The following PPP1R42 variants were observed in gnomAD, a reference collection of about 807,000 sequenced individuals.
The protein encoded by PPP1R42 is leucine rich repeat containing 67.
A neutral mutation model predicts 31.0 loss-of-function variants in PPP1R42; 34 were observed. The observed-to-expected ratio is 1.10, with a 90% confidence interval of 0.83 to 1.46. The LOEUF (loss-of-function observed/expected upper bound fraction) is 1.46, where lower values mean the gene tolerates loss of function less well. Ranked by LOEUF, PPP1R42 falls within the 40% of genes most tolerant of loss-of-function variation. The probability of loss-of-function intolerance (pLI) is 0.00; values close to 1 mark genes in which losing one functional copy is unlikely to be tolerated. For missense variants in PPP1R42, 268 were observed against 303.0 expected (o/e 0.88, Z 0.86); for synonymous variants, 103 against 109.8 (o/e 0.94, Z 0.39).
chr8:66,976,776 T>A (rs868089171), intron 7 of PPP1R42, among the ~76,000 whole-genome samples: 1 of 152,182 alleles, frequency 6.6e-6, no homozygotes, highest in Non-Finnish European at 1.5e-5. Context: ...CCATTGTGTA[T>A]ATATACCACA....
At chr8:67,015,207 C>T (rs190609905) in intron 2 of PPP1R42, among the ~76,000 whole-genome samples, 111 of 151,738 alleles carry the variant, frequency 7.3e-4, no homozygotes, top group Non-Finnish European at 1.2e-3. Flanking sequence ...TTAGTAGAGA[C>T]GGGGTTTCAC....
In PPP1R42 at chr8:66,977,322, C is replaced by T. The variant is rs1312550416; in HGVS notation, c.802+4727G>A. On this transcript the variant is annotated intron_variant, in intron 7 of 7. Coordinates refer to ENST00000685739, the MANE Select transcript of PPP1R42 (RefSeq NM_001364910.1). Reference sequence around the variant, plus strand: ...TGCTGGGATTACAGGCGTGAGCCATCGCGCCCACCCTTGCTTTTTTTTTTT... The same window carrying T: ...TGCTGGGATTACAGGCGTGAGCCATTGCGCCCACCCTTGCTTTTTTTTTTT... Among the ~76,000 whole-genome samples, 4 of 148,998 alleles carry T rather than the reference C, an allele frequency of 2.7e-5. No individual in the cohort carries two copies. In the East Asian group the frequency reaches 5.9e-4, roughly 22 times the overall value.
intron 7 of PPP1R42, among the ~76,000 whole-genome samples, chr8:66,977,698 G>A (rs1384638783): frequency 1.3e-5 from 2 of 151,852 alleles, no homozygotes; most frequent in African/African-American, 4.8e-5. Flanking sequence ...TAGAGAAGGG[G>A]TTTCACCATA....
chr8:66,996,768 T>G (rs978132259), intron 5 of PPP1R42, among the ~76,000 whole-genome samples: 5 of 152,222 alleles, frequency 3.3e-5, no homozygotes, highest in African/African-American at 1.2e-4. Flanking sequence ...TTTTTGTGCA[T>G]GGGGTAAAGG....
intron 5 of PPP1R42, among the ~76,000 whole-genome samples, chr8:66,991,948 C>G (rs1372649484): frequency 3.3e-5 from 5 of 152,174 alleles, no homozygotes; most frequent in African/African-American, 4.8e-5. Flanking sequence ...TAGGTCCCCA[C>G]TTGGAGTTGG....
intron 1 of PPP1R42, among the ~76,000 whole-genome samples, chr8:67,019,703 T>A (rs1816150331): frequency 6.6e-6 from 1 of 151,314 alleles, no homozygotes; most frequent in African/African-American, 2.4e-5. Flanking sequence ...CCATCCTGGC[T>A]AACACGGTGA....
chr8:66,965,936 A>G (rs1311180353), intron 7 of PPP1R42, among the ~76,000 whole-genome samples: 1 of 152,020 alleles, frequency 6.6e-6, no homozygotes, highest in East Asian at 1.9e-4. Context: ...AAAGATAAAT[A>G]CATAATAAAA....
chr8:67,006,739 CTTTT>C (rs1183630078), intron 5 of PPP1R42, among the ~76,000 whole-genome samples: 2 of 70,548 alleles, frequency 2.8e-5, no homozygotes, highest in African/African-American at 6.2e-5. Flanking sequence ...AGGGTAGAGG[CTTTT>C]TTTTTTTTTT....
chr8:66,970,878 A>T, intron 7 of PPP1R42: 1 of 880,038 alleles, frequency 1.1e-6, no homozygotes, highest in Non-Finnish European at 1.8e-6. Context: ...AGAACAAAGA[A>T]CTAGGAGACA....
intron 5 of PPP1R42, among the ~76,000 whole-genome samples, chr8:67,007,872 T>C (rs1201767078): frequency 1.3e-5 from 2 of 151,436 alleles, no homozygotes; most frequent in Non-Finnish European, 2.9e-5. Flanking sequence ...GATGCTGACA[T>C]TGTAACTGTT....
intron 7 of PPP1R42, among the ~76,000 whole-genome samples, chr8:66,966,940 T>C (rs1814399813): frequency 6.6e-6 from 1 of 152,190 alleles, no homozygotes; most frequent in Admixed American, 6.5e-5. Context: ...TCACAAAAAC[T>C]AGCTTGTTTT....
At chr8:66,984,015 C>T in intron 6 of PPP1R42, 1 of 1,041,590 alleles carries the variant, frequency 9.6e-7, no homozygotes, top group Non-Finnish European at 1.5e-6. Context: ...CCCTTTGTCC[C>T]AATGTCTGCT....
intron 7 of PPP1R42, 55 bp from the exon 8 acceptor site, chr8:66,964,389 C>A: frequency 1.0e-6 from 1 of 957,222 alleles, no homozygotes; most frequent in Non-Finnish European, 1.4e-6. Context: ...GAAAGTATCC[C>A]TAAAAGGTAG....
chr8:66,999,789 T>C (rs1207762027), intron 5 of PPP1R42, among the ~76,000 whole-genome samples: 6 of 152,242 alleles, frequency 3.9e-5, no homozygotes, highest in Non-Finnish European at 8.8e-5. Flanking sequence ...ATATGATGTA[T>C]TTAATAGATA....
intron 3 of PPP1R42, 72 bp downstream of exon 3, chr8:67,014,354 C>T: frequency 1.2e-6 from 1 of 845,992 alleles, no homozygotes; most frequent in Non-Finnish European, 1.7e-6. Context: ...AATGGAAATG[C>T]CTTCATGCAA....
intron 5 of PPP1R42, among the ~76,000 whole-genome samples, chr8:67,004,824 G>C (rs1815622520): frequency 6.6e-6 from 1 of 152,190 alleles, no homozygotes; most frequent in South Asian, 2.1e-4. Flanking sequence ...AAGTGAATGA[G>C]AGCTTTCTGT....
intron 7 of PPP1R42, chr8:66,968,429 TA>T: frequency 1.0e-6 from 1 of 980,140 alleles, no homozygotes; most frequent in Non-Finnish European, 1.2e-6. Context: ...AGATGCACCG[TA>T]AGCTTATTTC....
At chr8:67,020,816 T>C (rs976758053) in intron 1 of PPP1R42, among the ~76,000 whole-genome samples, 1 of 152,116 alleles carries the variant, frequency 6.6e-6, no homozygotes, top group African/African-American at 2.4e-5. Flanking sequence ...CGGGGGGCGG[T>C]GGTGCGTGTT....
chr8:67,025,133 C>G (rs1338755715), intron 1 of PPP1R42, among the ~76,000 whole-genome samples: 1 of 149,746 alleles, frequency 6.7e-6, no homozygotes, highest in Non-Finnish European at 1.5e-5. Context: ...TTTATAGAGA[C>G]AGGGTCTTAC....
Sources: gnomAD v4.1 joint callset for allele counts (sites outside exome capture counted in the v4.1 genomes callset) on GRCh38, gnomAD v4.1.1 for gene constraint, MANE v1.5 for transcripts, NCBI Gene and HGNC (gene_info 2026-07-23, HGNC 2026-07-21) for gene names.